Variants in GABBR2 observed in about 807,000 individuals in gnomAD.
The protein encoded by GABBR2 is G-protein coupled receptor 51.
In GABBR2, 23 loss-of-function variants were observed where a neutral mutation model predicts 105.6. The observed-to-expected ratio is 0.22, with a 90% confidence interval of 0.16 to 0.31. GABBR2 has a LOEUF of 0.31. Ranked by LOEUF, GABBR2 falls within the 10% of genes least tolerant of loss-of-function variation. GABBR2 has a pLI of 1.00. For synonymous variants in GABBR2, 478 were observed against 499.7 expected, an observed-to-expected ratio of 0.96 and a Z score of 0.58; for missense variants, 734 against 1,245.5, an observed-to-expected ratio of 0.59 and a Z score of 6.18.
intron 2 of GABBR2, among the ~76,000 whole-genome samples, chr9:98,569,664 G>A (rs1382688184): frequency 6.6e-6 from 1 of 152,194 alleles, no homozygotes; most frequent in Non-Finnish European, 1.5e-5. Context: ...GTGAGCCACG[G>A]AGCCCAGTGT....
chr9:98,360,173 G>T (rs77290088), intron 13 of GABBR2, among the ~76,000 whole-genome samples: 2,395 of 152,284 alleles, frequency 0.016, 28 homozygotes, highest in Non-Finnish European at 0.026. Context: ...TAGGCTTTCT[G>T]TTTGGAGATC....
intron 11 of GABBR2, among the ~76,000 whole-genome samples, chr9:98,379,986 G>C (rs569471222): frequency 6.7e-6 from 1 of 148,596 alleles, no homozygotes; most frequent in Admixed American, 6.7e-5. Context: ...TTTTTTTTCT[G>C]GTATAAGCCA....
chr9:98,416,810 G>T (rs1832697427), intron 7 of GABBR2, among the ~76,000 whole-genome samples: 1 of 152,094 alleles, frequency 6.6e-6, no homozygotes, highest in African/African-American at 2.4e-5. Context: ...TGCTCCTTCT[G>T]TACTCCTTCC....
chr9:98,410,483 A>G (rs1832567508), intron 7 of GABBR2, among the ~76,000 whole-genome samples: 1 of 150,174 alleles, frequency 6.7e-6, no homozygotes, highest in Non-Finnish European at 1.5e-5. Context: ...GAAAGAACGC[A>G]TAAGCATGCA....
At chr9:98,332,626 C>A (rs1831047824) in intron 13 of GABBR2, among the ~76,000 whole-genome samples, 1 of 152,226 alleles carries the variant, frequency 6.6e-6, no homozygotes, top group Non-Finnish European at 1.5e-5. Flanking sequence ...GGGGCCTGGG[C>A]TGGTGACTGC....
chr9:98,400,142 C>T (rs1322863774), intron 8 of GABBR2, among the ~76,000 whole-genome samples: 1 of 150,190 alleles, frequency 6.7e-6, no homozygotes, highest in Admixed American at 6.6e-5. Flanking sequence ...TATGATTGTG[C>T]CACTGTAGTA....
intron 1 of GABBR2, among the ~76,000 whole-genome samples, chr9:98,663,256 G>T (rs1290313887): frequency 6.6e-6 from 1 of 151,710 alleles, no homozygotes; most frequent in Non-Finnish European, 1.5e-5. Context: ...AGGCAGGGGT[G>T]GGGTGGGGTG....
intron 13 of GABBR2, among the ~76,000 whole-genome samples, chr9:98,336,127 T>A (rs1831110936): frequency 6.6e-6 from 1 of 152,190 alleles, no homozygotes; most frequent in Non-Finnish European, 1.5e-5. Flanking sequence ...TTAAGCTAGA[T>A]CTGAATGACA....
chr9:98,530,646 G>A (rs550572961), intron 3 of GABBR2, among the ~76,000 whole-genome samples: 6 of 152,242 alleles, frequency 3.9e-5, no homozygotes, highest in African/African-American at 9.6e-5. Flanking sequence ...ATAACCAGGC[G>A]CGGTGGCGTG....
intron 4 of GABBR2, among the ~76,000 whole-genome samples, chr9:98,488,150 G>A (rs913498287): frequency 6.6e-6 from 1 of 152,172 alleles, no homozygotes; most frequent in Non-Finnish European, 1.5e-5. Flanking sequence ...ACACCTTGAT[G>A]TTGGCCTGTC....
Position 98,659,522 on chromosome 9 carries a change from T to A in GABBR2, c.321+48895A>T, listed in dbSNP as rs1207572823. Among the ~76,000 whole-genome samples the A allele has an allele frequency of 7.2e-5, 3 of 41,836 alleles. 1 individual carries two copies. The highest frequency in any genetic ancestry group is 1.6e-4 in the Non-Finnish European group (3 of 19,106). 27.4% of individuals were successfully genotyped at this position (41,836 alleles called of 152,430 possible). On this transcript the variant is annotated intron_variant, in intron 1 of 18. Transcript: ENST00000259455. ...AAACAACCTTTTTTCTTTTCTTTTC[T>A]TTTCTTTTTTTTTTTTTTTGACTGA...
intron 7 of GABBR2, among the ~76,000 whole-genome samples, chr9:98,438,226 T>C (rs1825966643): frequency 6.6e-6 from 1 of 151,934 alleles, no homozygotes; most frequent in African/African-American, 2.4e-5. Context: ...CATCTATATC[T>C]ATACACCTAC....
chr9:98,346,968 T>C (rs1032391230), intron 13 of GABBR2, among the ~76,000 whole-genome samples: 2 of 152,246 alleles, frequency 1.3e-5, no homozygotes, highest in African/African-American at 4.8e-5. Context: ...ACATTTTCTT[T>C]ATCCATTTTT....
At chr9:98,354,618 C>T (rs1305210618) in intron 13 of GABBR2, among the ~76,000 whole-genome samples, 2 of 152,202 alleles carry the variant, frequency 1.3e-5, no homozygotes, top group Non-Finnish European at 2.9e-5. Flanking sequence ...CATGAACCAG[C>T]CTCTGTTAGC....
rs373725903 is a variant in GABBR2, at chr9:98,672,159, CT to C, written c.321+36257del. Among the ~76,000 whole-genome samples the C allele has an allele frequency of 1.9e-4, 29 of 152,256 alleles. No individual in the cohort carries two copies. The East Asian group carries it at 5.2e-3, about 27-fold the overall frequency. ...AATGTTGTGCAACCAATTTCCAGAA[CT>C]TTTTGTCTTTGCAAAACTGAAACTT... On this transcript the variant is annotated intron_variant, in intron 1 of 18. Coordinates refer to ENST00000259455, the MANE Select transcript of GABBR2 (RefSeq NM_005458.8).
chr9:98,703,140 A>C (rs1295378521), intron 1 of GABBR2, among the ~76,000 whole-genome samples: 2 of 152,254 alleles, frequency 1.3e-5, no homozygotes, highest in Non-Finnish European at 2.9e-5. Flanking sequence ...GAGTTTCTAA[A>C]CTGGAAGTGT....
intron 1 of GABBR2, among the ~76,000 whole-genome samples, chr9:98,621,057 A>G (rs1183938507): frequency 6.6e-6 from 1 of 152,248 alleles, no homozygotes; most frequent in Non-Finnish European, 1.5e-5. Flanking sequence ...TAGACTCTAC[A>G]GTCAAAGCTC....
intron 7 of GABBR2, among the ~76,000 whole-genome samples, chr9:98,410,617 T>C (rs957895255): frequency 6.7e-6 from 1 of 149,546 alleles, no homozygotes; most frequent in Admixed American, 6.8e-5. Flanking sequence ...CGTTGGAGTG[T>C]GGGGGCCCCT....
intron 1 of GABBR2, among the ~76,000 whole-genome samples, chr9:98,640,907 T>C (rs1201611427): frequency 6.6e-6 from 1 of 152,184 alleles, no homozygotes; most frequent in East Asian, 1.9e-4. Context: ...TGAATATGGC[T>C]GAGTTTCTGA....
Sources: gnomAD v4.1 joint callset for allele counts (sites outside exome capture counted in the v4.1 genomes callset) on GRCh38, gnomAD v4.1.1 for gene constraint, MANE v1.5 for transcripts, NCBI Gene and HGNC (gene_info 2026-07-23, HGNC 2026-07-21) for gene names.